HNRNPUL1: variants seen among roughly 807,000 people sequenced by gnomAD.
HNRNPUL1 encodes the protein heterogeneous nuclear ribonucleoprotein U like 1.
HNRNPUL1 carries 14 observed loss-of-function variants against 108.5 expected under a neutral mutation model. The ratio of observed to expected loss-of-function variants is 0.13; its 90% CI spans 0.09 to 0.20. The LOEUF (loss-of-function observed/expected upper bound fraction) is 0.20, where lower values mean the gene tolerates loss of function less well. Ranked by LOEUF, HNRNPUL1 falls within the 10% of genes least tolerant of loss-of-function variation. HNRNPUL1 has a pLI of 1.00. For synonymous variants in HNRNPUL1, 422 were observed against 445.2 expected (o/e 0.95, Z 0.66); for missense variants, 804 against 1,168.3 (o/e 0.69, Z 4.55).
chr19:41,301,354 A>T (rs1240511091), intron 10 of HNRNPUL1, among the ~76,000 whole-genome samples, 182 bp from the exon 11 acceptor site: 2 of 152,206 alleles, frequency 1.3e-5, no homozygotes, highest in Non-Finnish European at 2.9e-5. Flanking sequence ...TACCTAAGTC[A>T]ATTCATTTGC....
intron 1 of HNRNPUL1, among the ~76,000 whole-genome samples, chr19:41,267,794 C>T (rs2034944449): frequency 6.6e-6 from 1 of 152,206 alleles, no homozygotes; most frequent in South Asian, 2.1e-4. Flanking sequence ...CTGCAAGGTT[C>T]TTGAGGGAAT....
At chr19:41,286,173 C>G (rs564273284) in intron 7 of HNRNPUL1, among the ~76,000 whole-genome samples, 2 of 151,016 alleles carry the variant, frequency 1.3e-5, no homozygotes, top group African/African-American at 4.9e-5. Flanking sequence ...ATATGACATA[C>G]CTAACTTTTC....
intron 11 of HNRNPUL1, among the ~76,000 whole-genome samples, chr19:41,302,167 GCAGGC>G (rs1327375942): frequency 6.6e-6 from 1 of 151,026 alleles, no homozygotes; most frequent in African/African-American, 2.4e-5. Flanking sequence ...CTGACACTTA[GCAGGC>G]TGAGGGGTTG....
chr19:41,297,430 TA>T (rs897152583), intron 10 of HNRNPUL1, among the ~76,000 whole-genome samples: 1 of 152,132 alleles, frequency 6.6e-6, no homozygotes, highest in African/African-American at 2.4e-5. Flanking sequence ...GCCTGGCTAG[TA>T]AAAGGCTGCA....
At chr19:41,269,304 A>G (rs941124092) in intron 2 of HNRNPUL1, among the ~76,000 whole-genome samples, 5 of 151,740 alleles carry the variant, frequency 3.3e-5, no homozygotes, top group African/African-American at 1.2e-4. Context: ...CTTCTCTACA[A>G]AAAATTTAAA....
chr19:41,277,468 C>G (rs532625293), intron 5 of HNRNPUL1, among the ~76,000 whole-genome samples: 2 of 152,200 alleles, frequency 1.3e-5, no homozygotes, highest in East Asian at 3.9e-4. Flanking sequence ...AGAAACACTG[C>G]AACAAAATAA....
At chr19:41,281,922 G>A (rs1016980617) in intron 7 of HNRNPUL1, among the ~76,000 whole-genome samples, 3 of 152,182 alleles carry the variant, frequency 2.0e-5, no homozygotes, top group Non-Finnish European at 4.4e-5. Context: ...CTCTAAATGA[G>A]AATCTTTGCA....
chr19:41,292,169 TCTA>T lies in HNRNPUL1; in HGVS notation c.1000-73_1000-71del. 6.8e-7 allele frequency: 1 copy of T among 1,460,404 alleles called. No individual in the cohort carries two copies. The highest frequency in any genetic ancestry group is 1.8e-4 in the Middle Eastern group (1 of 5,666). The allele number at this position is 1,460,404 out of a possible 1,614,324, so 90.5% of individuals were successfully genotyped here. A position where few individuals can be genotyped will look rare whatever the true frequency, so the allele number is the denominator to read the frequency against. On this transcript the variant is annotated intron_variant, in intron 7 of 14. Transcript: ENST00000392006. This position sits in a 1 kb window ranked among gnomAD's most constrained non-coding sequence, Gnocchi z 4.1. ...AGCTGTCCACATTCTACTCCCTGCA[TCTA>T]CTGTCCTCACATTTGACTCCCAGTG...
intron 1 of HNRNPUL1, chr19:41,265,348 G>C: frequency 1.3e-6 from 2 of 1,513,482 alleles, no homozygotes; most frequent in African/African-American, 1.4e-5. Flanking sequence ...ATTTGGGTAC[G>C]GGGGTGGGTG....
intron 10 of HNRNPUL1, 78 bp from the exon 11 acceptor site, chr19:41,301,458 G>A (rs77856552): frequency 0.069 from 83,423 of 1,204,540 alleles, 3,375 homozygotes; most frequent in South Asian, 0.098. Context: ...TCAGTCCCTG[G>A]CCTACATAAT....
intron 12 of HNRNPUL1, 27 bp downstream of exon 12, chr19:41,302,976 C>A: frequency 1.3e-6 from 2 of 1,509,728 alleles, no homozygotes; most frequent in Non-Finnish European, 1.8e-6. Context: ...ACAGCACTCT[C>A]CACTTTCTGT....
chr19:41,304,841 C>T (rs532480328), intron 13 of HNRNPUL1, among the ~76,000 whole-genome samples: 2 of 152,282 alleles, frequency 1.3e-5, no homozygotes, highest in Non-Finnish European at 2.9e-5. Context: ...TTTCCTCATG[C>T]CGGGCCTGGA....
At chr19:41,277,096 CAAA>C in intron 5 of HNRNPUL1, among the ~76,000 whole-genome samples, 1 of 101,560 alleles carries the variant, frequency 9.8e-6, no homozygotes, top group African/African-American at 3.5e-5. Context: ...GACTCTGTCT[CAAA>C]AAAAAAAAAC....
In HNRNPUL1 at chr19:41,301,688, G is replaced by A. The variant is rs768611706; in HGVS notation, c.1671G>A (p.Ala557=). ...DEEGKDVPDH[A]VLEMKANFTL... is the part of the protein sequence containing the mutation. ...AAGGGAAGGATGTCCCAGATCATGCGGTCTTAGAAATGAAAGGTAGGAAAT... is the reference window on the plus strand; with the variant it reads ...AAGGGAAGGATGTCCCAGATCATGCAGTCTTAGAAATGAAAGGTAGGAAAT... Residue 557 remains alanine, a synonymous_variant, in exon 11 of 15, where the codon GCG becomes GCA. Coordinates refer to ENST00000392006, the MANE Select transcript of HNRNPUL1 (RefSeq NM_007040.6). 2.8e-5 allele frequency: 45 copies of A among 1,613,046 alleles called. No individual in the cohort carries two copies. The highest frequency in any genetic ancestry group is 1.6e-4 in the Middle Eastern group (1 of 6,076).
chr19:41,277,290 AC>A (rs944256206), intron 5 of HNRNPUL1, among the ~76,000 whole-genome samples: 16 of 152,254 alleles, frequency 1.1e-4, no homozygotes, highest in African/African-American at 3.4e-4. Context: ...AAGATACAGC[AC>A]CAAGCTCTTT....
In HNRNPUL1 at chr19:41,304,281, T is replaced by C. The variant is rs2037416418; in HGVS notation, c.2262+20T>C. 2 of 1,584,528 alleles carry C rather than the reference T, an allele frequency of 1.3e-6. No individual in the cohort carries two copies. The highest frequency in any genetic ancestry group is 1.4e-5 in the African/African-American group (1 of 74,048). On this transcript the variant is annotated intron_variant, in intron 13 of 14. Coordinates refer to ENST00000392006, the MANE Select transcript of HNRNPUL1 (RefSeq NM_007040.6). ...CCACAGGTGAGAGAATGAGTGTGTG[T>C]TTGTATGTAGTGATCGCACGTGTGC... is the stretch of plus-strand genomic sequence containing the variant.
rs552123334 is a variant in HNRNPUL1, at chr19:41,291,323, C to T, written c.1000-922C>T. On this transcript the variant is annotated intron_variant, in intron 7 of 14. Transcript: ENST00000392006. ...TTCCCCACTGGTCGCTAAGCTCTGTCGGTCCCAGATTATGCAGACATGTGT... is the reference window on the plus strand; with the variant it reads ...TTCCCCACTGGTCGCTAAGCTCTGTTGGTCCCAGATTATGCAGACATGTGT... 7.7e-4 allele frequency among the ~76,000 whole-genome samples: 118 copies of T among 152,288 alleles called. 1 individual carries two copies. Among genetic ancestry groups the T allele is most frequent in the Admixed American group, 7.1e-3 (109 of 15,298 alleles).
chr19:41,285,810 T>C (rs960971541), intron 7 of HNRNPUL1, among the ~76,000 whole-genome samples: 1 of 152,124 alleles, frequency 6.6e-6, no homozygotes, highest in African/African-American at 2.4e-5. Flanking sequence ...CCTTGAACTT[T>C]GCAGGGATTA....
intron 5 of HNRNPUL1, 80 bp downstream of exon 5, chr19:41,276,378 G>A (rs760853894): frequency 1.3e-5 from 19 of 1,460,836 alleles, no homozygotes; most frequent in Non-Finnish European, 1.6e-5. Context: ...CTTGGTCAGA[G>A]CTGCAACTGC....
Sources: allele counts gnomAD v4.1 joint callset (sites outside exome capture counted in the v4.1 genomes callset), GRCh38; gene constraint gnomAD v4.1.1; non-coding constraint Gnocchi (gnomAD v3.1); transcripts MANE v1.5; gene names NCBI Gene and HGNC (gene_info 2026-07-23, HGNC 2026-07-21).